The following KHDRBS2 variants were observed in gnomAD, a reference collection of about 807,000 sequenced individuals.
KHDRBS2 encodes KH domain-containing, RNA-binding, signal transduction-associated protein 2.
Under a neutral mutation model 44.3 loss-of-function variants are expected in KHDRBS2, and 26 were observed. The ratio of observed to expected loss-of-function variants is 0.59; its 90% CI spans 0.43 to 0.81. KHDRBS2 has a LOEUF of 0.81. Ranked by LOEUF, KHDRBS2 falls within the 40% of genes least tolerant of loss-of-function variation. KHDRBS2 has a pLI of 0.00. For missense variants in KHDRBS2, 476 were observed against 433.1 expected, an observed-to-expected ratio of 1.10 and a Z score of -0.88; for synonymous variants, 194 against 151.1, an observed-to-expected ratio of 1.28 and a Z score of -2.08.
At chr6:61,949,713 T>C (rs1764351156) in intron 4 of KHDRBS2, among the ~76,000 whole-genome samples, 1 of 152,086 alleles carries the variant, frequency 6.6e-6, no homozygotes, top group Non-Finnish European at 1.5e-5. Flanking sequence ...ATTGTTTTTG[T>C]GTATTTGTAT....
At position 61,769,242 on chromosome 6, in the gene KHDRBS2, G is replaced by A. The variant is rs560081269; in HGVS notation, c.811-36478C>T. Among the ~76,000 whole-genome samples the A allele has an allele frequency of 1.1e-4, 17 of 152,230 alleles. 2 individuals carry two copies. In the South Asian group the frequency reaches 3.5e-3, roughly 32 times the overall value. ...TACGGAGCCCAGCATGAGCAACACA[G>A]AACACGGGTGATTTCGGCATTTCCA... On this transcript the variant is annotated intron_variant, in intron 6 of 8. Coordinates refer to ENST00000281156, the MANE Select transcript of KHDRBS2 (RefSeq NM_152688.4).
At chr6:62,083,746 T>C (rs1333794192) in intron 2 of KHDRBS2, among the ~76,000 whole-genome samples, 4 of 152,026 alleles carry the variant, frequency 2.6e-5, no homozygotes, top group African/African-American at 7.2e-5. Context: ...TGCAAAGGGG[T>C]CAAGGGAACT....
intron 2 of KHDRBS2, among the ~76,000 whole-genome samples, chr6:62,070,406 A>C (rs190437272): frequency 6.6e-5 from 10 of 151,502 alleles, no homozygotes; most frequent in African/African-American, 2.2e-4. Context: ...TGTTACATAT[A>C]TATACATGTG....
chr6:61,850,511 T>C (rs1795267199), intron 6 of KHDRBS2, among the ~76,000 whole-genome samples: 1 of 152,208 alleles, frequency 6.6e-6, no homozygotes, highest in Non-Finnish European at 1.5e-5. Flanking sequence ...TCCAACTTCA[T>C]CTAATCATGT....
At chr6:62,282,377 G>T (rs1841922561) in intron 1 of KHDRBS2, among the ~76,000 whole-genome samples, 1 of 152,080 alleles carries the variant, frequency 6.6e-6, no homozygotes, top group Admixed American at 6.5e-5. Flanking sequence ...GGCAATATTT[G>T]ACATCGTCAT....
At chr6:61,847,940 A>G (rs1183724540) in intron 6 of KHDRBS2, among the ~76,000 whole-genome samples, 2 of 151,984 alleles carry the variant, frequency 1.3e-5, no homozygotes, top group Non-Finnish European at 2.9e-5. Flanking sequence ...AGCTAATTCT[A>G]TTGTTACTAA....
At chr6:62,054,006 T>A (rs1410986902) in intron 2 of KHDRBS2, among the ~76,000 whole-genome samples, 1 of 152,060 alleles carries the variant, frequency 6.6e-6, no homozygotes, top group African/African-American at 2.4e-5. Context: ...CCACAGATGT[T>A]CAAACCTTTA....
chr6:61,815,970 C>A (rs911664745), intron 6 of KHDRBS2, among the ~76,000 whole-genome samples: 2 of 152,116 alleles, frequency 1.3e-5, no homozygotes, highest in Non-Finnish European at 2.9e-5. Context: ...TTCAACCATG[C>A]TGCTTAGCTT....
chr6:61,664,316 G>A, the KHDRBS2 span, among the ~76,000 whole-genome samples: 1 of 151,618 alleles, frequency 6.6e-6, no homozygotes, highest in East Asian at 2.0e-4. Context: ...GTAGCATTTT[G>A]GATATAGCAG....
intron 6 of KHDRBS2, among the ~76,000 whole-genome samples, chr6:61,841,984 CT>C (rs1250746510): frequency 2.0e-5 from 3 of 152,166 alleles, no homozygotes; most frequent in African/African-American, 4.8e-5. Flanking sequence ...TGCTAAACCA[CT>C]TTTGTTCCTT....
intron 1 of KHDRBS2, among the ~76,000 whole-genome samples, chr6:62,189,334 T>A (rs966572445): frequency 6.6e-6 from 1 of 151,866 alleles, no homozygotes; most frequent in African/African-American, 2.4e-5. Context: ...CTTCTTTTTT[T>A]TAAATTTTTT....
chr6:61,773,024 T>C (rs1781248519), intron 6 of KHDRBS2, among the ~76,000 whole-genome samples: 1 of 152,272 alleles, frequency 6.6e-6, no homozygotes, highest in Non-Finnish European at 1.5e-5. Flanking sequence ...CCACATTTTC[T>C]TCATCCAGTC....
intron 2 of KHDRBS2, among the ~76,000 whole-genome samples, chr6:62,079,631 T>C (rs1012253530): frequency 9.9e-5 from 15 of 152,024 alleles, no homozygotes; most frequent in African/African-American, 3.6e-4. Flanking sequence ...CCAACCTGTT[T>C]CAAATATTTG....
chr6:62,121,061 C>A (rs183465067), intron 2 of KHDRBS2, among the ~76,000 whole-genome samples: 1 of 152,092 alleles, frequency 6.6e-6, no homozygotes, highest in African/African-American at 2.4e-5. Context: ...AGGTAATTAA[C>A]GGAGTTTTAG....
chr6:62,059,612 C>CA lies in KHDRBS2; in HGVS notation c.220-11619dup, dbSNP rs370562049. 2.0e-3 allele frequency among the ~76,000 whole-genome samples: 299 copies of CA among 151,618 alleles called. 2 individuals are homozygous for CA. Among genetic ancestry groups the CA allele is most frequent in the African/African-American group, 6.8e-3 (282 of 41,420 alleles). ...TTAATAAAATTACGGAATACAGGAA[C>CA]AAAAACGTTAGAGAAAAAATTGGAG... On this transcript the variant is annotated intron_variant, in intron 2 of 8. Coordinates refer to ENST00000281156, the MANE Select transcript of KHDRBS2 (RefSeq NM_152688.4).
chr6:61,753,402 C>G (rs1261975694), intron 6 of KHDRBS2, among the ~76,000 whole-genome samples: 1 of 152,080 alleles, frequency 6.6e-6, no homozygotes, highest in Non-Finnish European at 1.5e-5. Flanking sequence ...CCCACCCCCC[C>G]AAACCATATG....
chr6:61,960,309 A>T (rs1768364368), intron 4 of KHDRBS2, among the ~76,000 whole-genome samples: 1 of 152,080 alleles, frequency 6.6e-6, no homozygotes, highest in Admixed American at 6.6e-5. Flanking sequence ...GCCCAATTCT[A>T]AGAAAGATTT....
At chr6:61,993,922 A>G (rs1190879033) in intron 3 of KHDRBS2, among the ~76,000 whole-genome samples, 5 of 151,960 alleles carry the variant, frequency 3.3e-5, no homozygotes, top group Non-Finnish European at 5.9e-5. Flanking sequence ...GATTGACTCA[A>G]ATATTCAGCT....
At chr6:62,105,361 A>T (rs1470151763) in intron 2 of KHDRBS2, among the ~76,000 whole-genome samples, 1 of 152,196 alleles carries the variant, frequency 6.6e-6, no homozygotes, top group African/African-American at 2.4e-5. Context: ...ATTTCTAAAC[A>T]AAATTTTAGT....
Sources: gnomAD v4.1 joint callset for allele counts (sites outside exome capture counted in the v4.1 genomes callset) on GRCh38, gnomAD v4.1.1 for gene constraint, MANE v1.5 for transcripts, NCBI Gene and HGNC (gene_info 2026-07-23, HGNC 2026-07-21) for gene names.